Variants in SORCS1 observed in about 807,000 individuals in gnomAD.
SORCS1 encodes sortilin related VPS10 domain containing receptor 1.
A neutral mutation model predicts 146.1 loss-of-function variants in SORCS1; 60 were observed. The observed-to-expected ratio is 0.41, with a 90% CI of 0.33 to 0.51. The LOEUF (loss-of-function observed/expected upper bound fraction) is 0.51. SORCS1 is among the 20% of genes least tolerant of loss of function. The pLI, the probability that SORCS1 is intolerant of heterozygous loss-of-function variation, is 0.21. For synonymous variants in SORCS1, 637 were observed against 584.0 expected (o/e 1.09, Z -1.31); for missense variants, 1,352 against 1,487.6 (o/e 0.91, Z 1.50).
intron 2 of SORCS1, among the ~76,000 whole-genome samples, chr10:106,935,853 T>G (rs1257257510): frequency 6.6e-6 from 1 of 152,238 alleles, no homozygotes; most frequent in East Asian, 1.9e-4. Flanking sequence ...TTTACTGTTT[T>G]GATTGTCTTT....
chr10:106,795,971 T>G (rs1423665442), intron 3 of SORCS1, among the ~76,000 whole-genome samples: 2 of 152,162 alleles, frequency 1.3e-5, no homozygotes, highest in African/African-American at 4.8e-5. Context: ...TCAAACATCA[T>G]GTGGTTTTTC....
chr10:107,032,672 C>T (rs1958715575), intron 1 of SORCS1, among the ~76,000 whole-genome samples: 1 of 152,168 alleles, frequency 6.6e-6, no homozygotes, highest in Admixed American at 6.5e-5. Context: ...AAAGAGGGGT[C>T]TTGTGAGTTG....
intron 1 of SORCS1, among the ~76,000 whole-genome samples, chr10:107,103,482 C>G (rs1308400586): frequency 6.6e-6 from 1 of 152,228 alleles, no homozygotes; most frequent in African/African-American, 2.4e-5. Flanking sequence ...TTCAATGCAG[C>G]TTCCTCAGCA....
chr10:107,150,389 C>T (rs1409456096), intron 1 of SORCS1, among the ~76,000 whole-genome samples: 2 of 152,238 alleles, frequency 1.3e-5, no homozygotes, highest in Admixed American at 1.3e-4. Context: ...ATAAATACTA[C>T]ATGAACCCCT....
chr10:106,813,786 T>A (rs1217397092), intron 3 of SORCS1, among the ~76,000 whole-genome samples: 2 of 152,018 alleles, frequency 1.3e-5, no homozygotes, highest in South Asian at 2.1e-4. Flanking sequence ...AAAATGTTTT[T>A]AAATTAGCTG....
chr10:107,162,041 A>C (rs1415191), intron 1 of SORCS1, among the ~76,000 whole-genome samples: 121,060 of 152,128 alleles, frequency 0.8, 49,138 homozygotes, highest in Non-Finnish European at 0.9. Flanking sequence ...AATGCCCTGA[A>C]CCTAATAAGC....
intron 7 of SORCS1, among the ~76,000 whole-genome samples, chr10:106,708,159 C>T (rs919335691): frequency 6.6e-6 from 1 of 152,144 alleles, no homozygotes; most frequent in Non-Finnish European, 1.5e-5. Flanking sequence ...AGAACCAATA[C>T]ATGTAACTAT....
intron 1 of SORCS1, among the ~76,000 whole-genome samples, chr10:107,149,082 C>T (rs1968559509): frequency 6.6e-6 from 1 of 152,174 alleles, no homozygotes; most frequent in Non-Finnish European, 1.5e-5. Flanking sequence ...ACTGAAAGAC[C>T]ACGAAGGTAT....
intron 5 of SORCS1, among the ~76,000 whole-genome samples, chr10:106,746,777 C>T (rs1004978808): frequency 6.6e-6 from 1 of 152,206 alleles, no homozygotes; most frequent in African/African-American, 2.4e-5. Context: ...CCAGGAGCTG[C>T]TGAAATGTGA....
At chr10:106,915,348 T>C (rs550727142) in intron 2 of SORCS1, among the ~76,000 whole-genome samples, 23 of 152,132 alleles carry the variant, frequency 1.5e-4, no homozygotes, top group Non-Finnish European at 2.9e-4. Flanking sequence ...ACCAATGCAT[T>C]TCTACCAATA....
At chr10:106,675,265 G>A (rs1851939633) in intron 13 of SORCS1, 109 bp from the exon 14 acceptor site, 2 of 783,250 alleles carry the variant, frequency 2.6e-6, no homozygotes, top group Non-Finnish European at 4.0e-6. Context: ...AAGTAGCTGA[G>A]ATTTTGTCAA....
intron 2 of SORCS1, among the ~76,000 whole-genome samples, chr10:106,858,424 C>T (rs1949873737): frequency 6.6e-6 from 1 of 151,744 alleles, no homozygotes; most frequent in African/African-American, 2.4e-5. Context: ...TTGAGACCAT[C>T]CTGGCTGACA....
At chr10:106,940,470 A>G (rs995063286) in intron 2 of SORCS1, among the ~76,000 whole-genome samples, 2 of 152,248 alleles carry the variant, frequency 1.3e-5, no homozygotes, top group African/African-American at 4.8e-5. Context: ...AGATGAATAG[A>G]AAGTGCTTAC....
intron 2 of SORCS1, among the ~76,000 whole-genome samples, chr10:106,948,933 C>T (rs975340341): frequency 5.9e-5 from 9 of 151,972 alleles, no homozygotes; most frequent in African/African-American, 2.2e-4. Context: ...TGCACTTCAA[C>T]CTAGGAGACA....
Position 106,602,987 on chromosome 10 carries a change from C to T in SORCS1, c.3165+4179G>A, listed in dbSNP as rs141091365. On this transcript the variant is annotated intron_variant, in intron 23 of 25. Coordinates refer to ENST00000263054, the MANE Select transcript of SORCS1 (RefSeq NM_052918.5). ...TGCCAACCGTGTAGAGTAATAAAAA[C>T]AGCCAAGGAAGAAATATATATATTT... is the stretch of plus-strand genomic sequence containing the variant. Among the ~76,000 whole-genome samples, 6 of 152,226 alleles carry T rather than the reference C, an allele frequency of 3.9e-5. No homozygotes were observed. In the East Asian group the frequency reaches 1.2e-3, roughly 29 times the overall value.
rs916527396 is a variant in SORCS1, at chr10:106,629,284, C to G, written c.2580G>C (p.Gln860His). Reference sequence around the variant, plus strand: ...CGGTCACACGGAAAATGCCCACGTTCTGATAGACGTGTTTGATCCCATCTT... The same window carrying G: ...CGGTCACACGGAAAATGCCCACGTTGTGATAGACGTGTTTGATCCCATCTT... ...SMEDGIKHVY[Q>H]NVGIFRVTVQ... The change falls in exon 19 of 26, where the codon CAG becomes CAC. Residue 860 changes from glutamine to histidine, a missense_variant. This residue lies in a region of SORCS1 where 648 missense variants were observed against 793.8 expected (regional missense o/e 0.82). Transcript: ENST00000263054. 1 of 1,614,046 alleles carries G rather than the reference C, an allele frequency of 6.2e-7. No individual in the cohort carries two copies. The highest frequency in any genetic ancestry group is 1.7e-5 in the Admixed American group (1 of 60,006).
intron 1 of SORCS1, among the ~76,000 whole-genome samples, chr10:107,153,079 C>T (rs1275240808): frequency 1.3e-5 from 2 of 151,754 alleles, no homozygotes; most frequent in African/African-American, 2.4e-5. Context: ...CTTCCCTCTC[C>T]CTCCTTCATT....
At chr10:106,766,991 C>T (rs1355970190) in intron 4 of SORCS1, among the ~76,000 whole-genome samples, 1 of 152,106 alleles carries the variant, frequency 6.6e-6, no homozygotes, top group East Asian at 1.9e-4. Flanking sequence ...TTTCTTTGGT[C>T]AATAGCAAGA....
At position 106,829,609 on chromosome 10, in the gene SORCS1, T is replaced by A. The variant is rs1224970717; in HGVS notation, c.691A>T (p.Ser231Cys). The A allele has an allele frequency of 7.5e-6, 12 of 1,607,550 alleles. No homozygotes were observed. In the East Asian group the frequency reaches 2.7e-4, roughly 36 times the overall value. ...NDKVGLKTILSYLYVCPTNKR... is the reference protein window; with the variant it reads ...NDKVGLKTILCYLYVCPTNKR... The stretch of plus-strand genomic sequence containing the variant: ...TTGGTAGGACACACATAGAGATAGC[T>A]CAAAATGGTTTTCAAACCAACTTTA... Residue 231 changes from serine to cysteine, a missense_variant, in exon 3 of 26, where the codon AGC (serine) becomes TGC (cysteine). This residue lies in a region of SORCS1 where 490 missense variants were observed against 489.1 expected (regional missense o/e 1.00). Transcript: ENST00000263054.
Sources: allele counts gnomAD v4.1 joint callset (sites outside exome capture counted in the v4.1 genomes callset), GRCh38; gene constraint gnomAD v4.1.1; regional missense constraint gnomAD v4.1.1; transcripts MANE v1.5; gene names NCBI Gene and HGNC (gene_info 2026-07-23, HGNC 2026-07-21).